The following SLC18A2 variants were observed in gnomAD, a reference collection of about 807,000 sequenced individuals.
The protein encoded by SLC18A2 is solute carrier family 18 member A2, also known as synaptic vesicular amine transporter.
In SLC18A2, 33 loss-of-function variants were observed where a neutral mutation model predicts 59.2. That is an observed-to-expected ratio of 0.56 (90% CI 0.42 to 0.75). The LOEUF is 0.75. Ranked by LOEUF, SLC18A2 falls within the 30% of genes least tolerant of loss-of-function variation. The pLI, the probability that SLC18A2 is intolerant of heterozygous loss-of-function variation, is 0.00. For missense variants in SLC18A2, 569 were observed against 668.6 expected, an observed-to-expected ratio of 0.85 and a Z score of 1.64; for synonymous variants, 228 against 253.5, an observed-to-expected ratio of 0.90 and a Z score of 0.95.
chr10:117,265,414 A>G (rs1844337618), intron 10 of SLC18A2, among the ~76,000 whole-genome samples: 1 of 152,170 alleles, frequency 6.6e-6, no homozygotes, highest in Admixed American at 6.5e-5. Flanking sequence ...GTCATCTGAT[A>G]TCTACCTGCA....
In SLC18A2 at chr10:117,255,339, C is replaced by T; in HGVS notation, c.763C>T (p.Leu255=). 2 of 1,614,258 alleles carry T rather than the reference C, an allele frequency of 1.2e-6. No homozygotes were observed. The highest frequency in any genetic ancestry group is 1.7e-6 in the Non-Finnish European group (2 of 1,180,052). ...FVGKTAPFLV[L]AALVLLDGAI... Reference sequence around the variant, plus strand: ...GGGGAAGACGGCTCCGTTCCTGGTGCTGGCCGCCCTGGTACTCTTGGATGG... The same window carrying T: ...GGGGAAGACGGCTCCGTTCCTGGTGTTGGCCGCCCTGGTACTCTTGGATGG... Residue 255 remains leucine (L), a synonymous_variant, in exon 7 of 16, where the codon CTG becomes TTG. Coordinates refer to ENST00000644641, the MANE Select transcript of SLC18A2 (RefSeq NM_003054.6).
intron 3 of SLC18A2, among the ~76,000 whole-genome samples, chr10:117,250,435 G>T (rs1263192733): frequency 2.6e-5 from 4 of 152,190 alleles, no homozygotes; most frequent in African/African-American, 4.8e-5. Context: ...TTCTAGCTGT[G>T]ATATTCGTTT....
At position 117,279,375 on chromosome 10, in the gene SLC18A2, C is replaced by T. The variant is rs1457107661; in HGVS notation, c.*2109C>T. On this transcript the variant is annotated 3_prime_UTR_variant, in exon 16 of 16. Transcript: ENST00000644641. The stretch of plus-strand genomic sequence containing the variant: ...CAATGAATATTCAACTGTTTGACTG[C>T]TAAGTGTATCTGTCCATATTTTAGC... 4 of 152,094 alleles carry T rather than the reference C, an allele frequency of 2.6e-5. No individual in the cohort carries two copies. In the South Asian group the frequency reaches 6.2e-4, roughly 24 times the overall value. The allele number at this position is 152,094 out of a possible 1,614,324, so 9.4% of individuals were successfully genotyped here.
chr10:117,246,689 G>A (rs1286088898), intron 3 of SLC18A2, among the ~76,000 whole-genome samples: 4 of 151,844 alleles, frequency 2.6e-5, no homozygotes, highest in Admixed American at 6.6e-5. Flanking sequence ...GTCTTGCTCT[G>A]TCACCCAGGC....
chr10:117,254,810 AC>A (rs1019087362), intron 6 of SLC18A2, among the ~76,000 whole-genome samples: 1 of 152,084 alleles, frequency 6.6e-6, no homozygotes, highest in African/African-American at 2.4e-5. Flanking sequence ...ATCACGGAGA[AC>A]CTTGCTTTCT....
intron 15 of SLC18A2, among the ~76,000 whole-genome samples, chr10:117,271,481 A>G (rs1844425356): frequency 6.6e-6 from 1 of 152,234 alleles, no homozygotes; most frequent in Non-Finnish European, 1.5e-5. Context: ...TGTTTTTTAC[A>G]TTCATTAATT....
At chr10:117,270,294 T>C in intron 14 of SLC18A2, 36 bp from the exon 15 acceptor site, 7 of 1,613,906 alleles carry the variant, frequency 4.3e-6, no homozygotes, top group Non-Finnish European at 5.1e-6. Context: ...ACAAGACATT[T>C]GGAAGAGCTT....
chr10:117,250,433 G>A (rs1277587235), intron 3 of SLC18A2, among the ~76,000 whole-genome samples: 1 of 152,200 alleles, frequency 6.6e-6, no homozygotes, highest in Non-Finnish European at 1.5e-5. Context: ...CCTTCTAGCT[G>A]TGATATTCGT....
rs1454940278 is a variant in SLC18A2, at chr10:117,269,056, C to T, written c.1187-1015C>T. Among the ~76,000 whole-genome samples the T allele has an allele frequency of 2.0e-5, 3 of 150,236 alleles. No homozygotes were observed. The highest frequency in any genetic ancestry group is 2.0e-4 in the East Asian group (1 of 5,026). ...CACACATACACACATACACCCCCCA[C>T]ATAAACACATACACATACACAAATA... On this transcript the variant is annotated intron_variant, in intron 13 of 15. Transcript: ENST00000644641. The surrounding 1 kb of genome is among the most constrained non-coding windows in gnomAD (Gnocchi z 5.1).
intron 10 of SLC18A2, 61 bp from the exon 11 acceptor site, chr10:117,266,672 A>G (rs773761215): frequency 1.7e-5 from 22 of 1,280,970 alleles, no homozygotes; most frequent in Non-Finnish European, 2.1e-5. Context: ...TACAGTTATT[A>G]CTTTTTCTAA....
intron 2 of SLC18A2, 57 bp downstream of exon 2, chr10:117,241,871 G>C: frequency 1.3e-6 from 2 of 1,503,150 alleles, no homozygotes; most frequent in African/African-American, 1.4e-5. Context: ...CCCCTTCCCC[G>C]GCACTCCACT....
intron 10 of SLC18A2, among the ~76,000 whole-genome samples, chr10:117,266,089 CAA>C (rs35533634): frequency 5.5e-5 from 4 of 72,182 alleles, no homozygotes; most frequent in African/African-American, 1.3e-4. Context: ...GACTCCATCT[CAA>C]AAAAAAAAAA....
At position 117,270,177 on chromosome 10, in the gene SLC18A2, G is replaced by A; in HGVS notation, c.1293G>A (p.Met431Ile). The change falls in exon 14 of 16, where the codon ATG becomes ATA. Residue 431 changes from methionine (M) to isoleucine (I), a missense_variant. This residue lies in a region of SLC18A2 where 192 missense variants were observed against 278.8 expected (regional missense o/e 0.69). Transcript: ENST00000644641. ...CCATTGCGGATGTGGCATTTTGTAT[G>A]GGGTATGCTATAGGTAAGGACATTG... is the stretch of plus-strand genomic sequence containing the variant. ...VYAIADVAFC[M>I]GYAIGPSAGG... 1 of 1,614,224 alleles carries A rather than the reference G, an allele frequency of 6.2e-7. No homozygotes were observed. The highest frequency in any genetic ancestry group is 2.2e-5 in the East Asian group (1 of 44,890).
At chr10:117,273,596 G>C (rs1270578821) in intron 15 of SLC18A2, among the ~76,000 whole-genome samples, 1 of 152,200 alleles carries the variant, frequency 6.6e-6, no homozygotes, top group Non-Finnish European at 1.5e-5. Flanking sequence ...GCCCGAGGCT[G>C]CTGAGATAGA....
chr10:117,255,450 G>A (rs369513776), intron 7 of SLC18A2, 29 bp from the exon 8 acceptor site: 2 of 1,614,110 alleles, frequency 1.2e-6, no homozygotes, highest in South Asian at 1.1e-5. Context: ...TCTGAAGAGG[G>A]GCTTGTCTTT....
chr10:117,246,761 A>G (rs1844114362), intron 3 of SLC18A2, among the ~76,000 whole-genome samples: 1 of 151,898 alleles, frequency 6.6e-6, no homozygotes, highest in African/African-American at 2.4e-5. Flanking sequence ...CAAGCAATTC[A>G]CATGTCTCAG....
chr10:117,271,600 C>T (rs1486000041), intron 15 of SLC18A2, among the ~76,000 whole-genome samples: 1 of 152,170 alleles, frequency 6.6e-6, no homozygotes, highest in East Asian at 1.9e-4. Context: ...CCGTCTGACT[C>T]ATGGAAAAGG....
chr10:117,245,716 G>A lies in SLC18A2; in HGVS notation c.464+1403G>A, dbSNP rs117016272. On this transcript the variant is annotated intron_variant, in intron 3 of 15. Coordinates refer to ENST00000644641, the MANE Select transcript of SLC18A2 (RefSeq NM_003054.6). Reference sequence around the variant, plus strand: ...GCCCTGTGCGACTCTAGGGTTAGGGGCACCGAGAGGTGAGGAAGCCTGGGG... The same window carrying A: ...GCCCTGTGCGACTCTAGGGTTAGGGACACCGAGAGGTGAGGAAGCCTGGGG... 7.0e-4 allele frequency among the ~76,000 whole-genome samples: 106 copies of A among 152,234 alleles called. 1 individual carries two copies. The East Asian group carries it at 0.02, about 29-fold the overall frequency.
chr10:117,250,261 A>C (rs1213511234), intron 3 of SLC18A2, among the ~76,000 whole-genome samples: 1 of 152,056 alleles, frequency 6.6e-6, no homozygotes, highest in Non-Finnish European at 1.5e-5. Context: ...CCTGTGTTGA[A>C]AGTGCAGGCA....
Sources: gnomAD v4.1 joint callset for allele counts (sites outside exome capture counted in the v4.1 genomes callset) on GRCh38, gnomAD v4.1.1 for gene constraint, gnomAD v4.1.1 regional missense constraint, Gnocchi (gnomAD v3.1) non-coding constraint, MANE v1.5 for transcripts, NCBI Gene and HGNC (gene_info 2026-07-23, HGNC 2026-07-21) for gene names.